Variants in PASD1 observed in about 807,000 individuals in gnomAD.
PASD1 encodes PAS domain containing repressor 1.
PASD1 carries 13 observed loss-of-function variants against 58.8 expected under a neutral mutation model. The ratio of observed to expected loss-of-function variants is 0.22; its 90% CI spans 0.14 to 0.35. The LOEUF is 0.35. PASD1 is among the 10% of genes least tolerant of loss of function. The pLI, the probability that PASD1 is intolerant of heterozygous loss-of-function variation, is 1.00. For synonymous variants in PASD1, 236 were observed against 216.7 expected (o/e 1.09, Z -0.78); for missense variants, 734 against 568.3 (o/e 1.29, Z -2.96).
chrX:151,614,543 G>A (rs969578365), intron 4 of PASD1, among the ~76,000 whole-genome samples: 1 of 111,952 alleles, frequency 8.9e-6, no homozygotes, highest in African/African-American at 3.3e-5. Context: ...AAAAGTTTTG[G>A]GAGAGGATAT....
chrX:151,656,973 A>C (rs1209573781), intron 9 of PASD1, among the ~76,000 whole-genome samples: 1 of 111,965 alleles, frequency 8.9e-6, no homozygotes, highest in Non-Finnish European at 1.9e-5. Flanking sequence ...TTGCCCATTC[A>C]GTATGATATT....
At chrX:151,604,021 G>A (rs769675998) in intron 2 of PASD1, among the ~76,000 whole-genome samples, 17 of 111,479 alleles carry the variant, frequency 1.5e-4, no homozygotes, top group Non-Finnish European at 1.9e-5. Context: ...GTGGAGTAGG[G>A]TGGAGTTGGG....
At chrX:151,565,651 A>G (rs1224250668) in intron 1 of PASD1, among the ~76,000 whole-genome samples, 1 of 101,582 alleles carries the variant, frequency 9.8e-6, no homozygotes, top group Non-Finnish European at 2.0e-5. Flanking sequence ...TCCACCTGCC[A>G]GGTTCACGCC....
rs904797613 is a variant in PASD1, at chrX:151,630,097, A to G, written c.629+4567A>G. Among the ~76,000 whole-genome samples the G allele has an allele frequency of 2.1e-4, 24 of 112,351 alleles. 1 individual carries two copies. In the East Asian group the frequency reaches 6.4e-3, roughly 30 times the overall value. ...TTTCCCCTAAAGTTCAAAACTAGAC[A>G]ATGGATTGTTTATCATGTAGGAAGT... is the stretch of plus-strand genomic sequence containing the variant. On this transcript the variant is annotated intron_variant, in intron 8 of 15. Coordinates refer to ENST00000370357, the MANE Select transcript of PASD1 (RefSeq NM_173493.3).
intron 1 of PASD1, among the ~76,000 whole-genome samples, chrX:151,585,110 AATGCAC>A (rs771750128): frequency 8.9e-6 from 1 of 111,870 alleles, no homozygotes; most frequent in Admixed American, 9.5e-5. Context: ...GAATAAGAAA[AATGCAC>A]ATAAAGGGCA....
chrX:151,653,836 TTCCTTCCTTCCC>T (rs1316270159), intron 9 of PASD1, among the ~76,000 whole-genome samples: 2 of 16,544 alleles, frequency 1.2e-4, no homozygotes, highest in Admixed American at 7.0e-4. Flanking sequence ...CCTTCCTTCC[TTCCTTCCTTCCC>T]TCCCTCCCTC....
intron 1 of PASD1, among the ~76,000 whole-genome samples, chrX:151,580,010 A>G (rs1037069351): frequency 2.7e-5 from 3 of 111,927 alleles, no homozygotes; most frequent in African/African-American, 9.8e-5. Context: ...CATTTAAGAA[A>G]AAGTATGATT....
intron 1 of PASD1, among the ~76,000 whole-genome samples, chrX:151,595,753 G>A (rs1001374680): frequency 1.8e-5 from 2 of 110,140 alleles, no homozygotes; most frequent in African/African-American, 3.3e-5. Flanking sequence ...CAAAAAACAT[G>A]TGTGCAGATT....
chrX:151,593,706 T>C lies in PASD1; in HGVS notation c.-27-7821T>C, dbSNP rs776165196. 3.6e-5 allele frequency among the ~76,000 whole-genome samples: 4 copies of C among 111,389 alleles called. No homozygotes were observed. The South Asian group carries it at 1.2e-3, about 32-fold the overall frequency. On this transcript the variant is annotated intron_variant, in intron 1 of 15. Transcript: ENST00000370357. The stretch of plus-strand genomic sequence containing the variant: ...TGTGAATAGTGCTGCAATAAACATA[T>C]GTGTGCATGTGTCTTTATAGTAGCA...
chrX:151,664,054 T>A, intron 10 of PASD1, 65 bp from the exon 11 acceptor site: 2 of 1,192,824 alleles, frequency 1.7e-6, no homozygotes, highest in Non-Finnish European at 2.3e-6. Flanking sequence ...CCTCGTACAG[T>A]CTTTTTGATA....
intron 9 of PASD1, among the ~76,000 whole-genome samples, chrX:151,655,555 G>A (rs777209924): frequency 1.8e-5 from 2 of 111,976 alleles, no homozygotes; most frequent in South Asian, 7.6e-4. Context: ...TCTAACTGGT[G>A]TGAGATGGTA....
At chrX:151,652,571 C>T (rs1477396990) in intron 9 of PASD1, among the ~76,000 whole-genome samples, 1 of 105,607 alleles carries the variant, frequency 9.5e-6, no homozygotes, top group Admixed American at 1.0e-4. Context: ...ACAAAAAAAA[C>T]TCAACCCAAC....
intron 14 of PASD1, chrX:151,673,345 C>T (rs765984516): frequency 2.4e-4 from 28 of 116,607 alleles, no homozygotes; most frequent in Non-Finnish European, 4.3e-4. Context: ...CTTTCTGAGA[C>T]GGGCCTCCTA....
Position 151,676,179 on chromosome X carries a change from G to A in PASD1, c.*36G>A, listed in dbSNP as rs2014542865. The A allele has an allele frequency of 2.5e-6, 3 of 1,187,208 alleles. No homozygotes were observed. Among genetic ancestry groups the A allele is most frequent in the South Asian group, 3.8e-5 (2 of 52,829 alleles). Reference sequence around the variant, plus strand: ...ATGACCAGTGATGAGGGGAAATGGGGGGAGGGGGCAGGCCAATGAGGTCTG... The same window carrying A: ...ATGACCAGTGATGAGGGGAAATGGGAGGAGGGGGCAGGCCAATGAGGTCTG... On this transcript the variant is annotated 3_prime_UTR_variant, in exon 16 of 16. Coordinates refer to ENST00000370357, the MANE Select transcript of PASD1 (RefSeq NM_173493.3).
chrX:151,655,903 G>A lies in PASD1; in HGVS notation c.718-3810G>A, dbSNP rs1181974500. 2.1e-4 allele frequency among the ~76,000 whole-genome samples: 24 copies of A among 111,812 alleles called. 1 individual carries two copies. In the East Asian group the frequency reaches 6.5e-3, roughly 30 times the overall value. On this transcript the variant is annotated intron_variant, in intron 9 of 15. Transcript: ENST00000370357. ...TCTGGCTTTTGTTGCCATTGCTTTT[G>A]GTGTTTTAGACATGAAGTCCTTGCC...
At chrX:151,580,145 G>T (rs1298341528) in intron 1 of PASD1, among the ~76,000 whole-genome samples, 1 of 111,640 alleles carries the variant, frequency 9.0e-6, no homozygotes, top group African/African-American at 3.3e-5. Flanking sequence ...AACACTTTAC[G>T]TATAACTTTT....
At chrX:151,660,962 G>A (rs377402587) in intron 10 of PASD1, among the ~76,000 whole-genome samples, 2 of 111,601 alleles carry the variant, frequency 1.8e-5, no homozygotes, top group East Asian at 5.6e-4. Flanking sequence ...GACCATCCTG[G>A]CTAACACGGT....
intron 4 of PASD1, among the ~76,000 whole-genome samples, chrX:151,615,008 A>G (rs949394287): frequency 6.6e-5 from 6 of 90,942 alleles, no homozygotes; most frequent in Non-Finnish European, 1.2e-4. Flanking sequence ...TATTTAAATC[A>G]TAGAAGGAAA....
In PASD1 at chrX:151,597,872, A is replaced by G. The variant is rs185528134; in HGVS notation, c.-27-3655A>G. Among the ~76,000 whole-genome samples the G allele has an allele frequency of 1.7e-4, 19 of 111,261 alleles. No homozygotes were observed. The East Asian group carries it at 5.4e-3, about 31-fold the overall frequency. On this transcript the variant is annotated intron_variant, in intron 1 of 15. Transcript: ENST00000370357. Reference sequence around the variant, plus strand: ...CAGCCTCCAGAGTAGCTGGGATTATAGGTGCCTGCCACCACGCCCAGCTAT... The same window carrying G: ...CAGCCTCCAGAGTAGCTGGGATTATGGGTGCCTGCCACCACGCCCAGCTAT...
Sources: allele counts gnomAD v4.1 joint callset (sites outside exome capture counted in the v4.1 genomes callset), GRCh38; gene constraint gnomAD v4.1.1; transcripts MANE v1.5; gene names NCBI Gene and HGNC (gene_info 2026-07-23, HGNC 2026-07-21).